Variants in STXBP6 observed in about 807,000 individuals in gnomAD.
The protein encoded by STXBP6 is syntaxin-binding protein 6.
STXBP6 carries 21 observed loss-of-function variants against 26.9 expected under a neutral mutation model. That is an observed-to-expected ratio of 0.78 (90% CI 0.55 to 1.12). The LOEUF is 1.12. Among genes scored for constraint, STXBP6 ranks in the 50% most tolerant of loss-of-function variants. STXBP6 has a pLI of 0.00. For synonymous variants in STXBP6, 97 were observed against 92.6 expected (o/e 1.05, Z -0.27); for missense variants, 232 against 257.9 (o/e 0.90, Z 0.69).
chr14:25,004,141 A>G (rs2074834519), intron 1 of STXBP6, among the ~76,000 whole-genome samples: 1 of 152,260 alleles, frequency 6.6e-6, no homozygotes, highest in Admixed American at 6.5e-5. Flanking sequence ...AAAAAAGAAG[A>G]AGGCAGCTGA....
intron 2 of STXBP6, among the ~76,000 whole-genome samples, chr14:24,899,812 A>T (rs4981562): frequency 6.9e-6 from 1 of 144,650 alleles, no homozygotes; most frequent in Non-Finnish European, 1.5e-5. Flanking sequence ...AAAAAAAAAA[A>T]AAAAGAGTAA....
chr14:24,856,779 T>C (rs554588124), intron 3 of STXBP6, among the ~76,000 whole-genome samples: 1 of 152,190 alleles, frequency 6.6e-6, no homozygotes, highest in Admixed American at 6.5e-5. Flanking sequence ...CGTACTTTGC[T>C]GATCAATGTT....
chr14:24,876,814 A>G (rs1454818145), intron 2 of STXBP6, among the ~76,000 whole-genome samples: 1 of 152,242 alleles, frequency 6.6e-6, no homozygotes, highest in South Asian at 2.1e-4. Context: ...TAAGAACATT[A>G]AAAATTAGAG....
intron 1 of STXBP6, among the ~76,000 whole-genome samples, chr14:25,001,522 C>T (rs2074760459): frequency 6.6e-6 from 1 of 152,180 alleles, no homozygotes. Flanking sequence ...CTTTCAGCTC[C>T]ACCATTCTTC....
chr14:25,009,841 C>A (rs1012942291), intron 1 of STXBP6, among the ~76,000 whole-genome samples: 3 of 152,160 alleles, frequency 2.0e-5, no homozygotes, highest in Non-Finnish European at 4.4e-5. Flanking sequence ...ACAAATCATT[C>A]AAAGCCATTA....
chr14:24,985,674 A>G (rs1566537043), intron 1 of STXBP6, among the ~76,000 whole-genome samples: 1 of 152,164 alleles, frequency 6.6e-6, no homozygotes, highest in Non-Finnish European at 1.5e-5. Flanking sequence ...GAATTTCATC[A>G]TTTTACTTTA....
chr14:24,914,660 T>C (rs1430154936), intron 2 of STXBP6, among the ~76,000 whole-genome samples: 1 of 152,190 alleles, frequency 6.6e-6, no homozygotes, highest in South Asian at 2.1e-4. Context: ...GTTACAGCTG[T>C]CTATTTTTTC....
chr14:24,912,223 G>T (rs1162646228), intron 2 of STXBP6, among the ~76,000 whole-genome samples: 1 of 152,088 alleles, frequency 6.6e-6, no homozygotes, highest in African/African-American at 2.4e-5. Context: ...AATTTAGTGT[G>T]ATTATTTTCT....
chr14:24,931,780 G>T (rs572449974), intron 2 of STXBP6, among the ~76,000 whole-genome samples: 2 of 152,284 alleles, frequency 1.3e-5, no homozygotes, highest in African/African-American at 2.4e-5. Flanking sequence ...AGAAGGAGCG[G>T]CTACTTAGAT....
chr14:24,913,221 A>G (rs1242670620), intron 2 of STXBP6, among the ~76,000 whole-genome samples: 1 of 152,184 alleles, frequency 6.6e-6, no homozygotes, highest in East Asian at 1.9e-4. Context: ...AACAGGAATG[A>G]TTCCTTCTTT....
chr14:25,024,363 T>C (rs1270550172), intron 1 of STXBP6, among the ~76,000 whole-genome samples: 1 of 151,654 alleles, frequency 6.6e-6, no homozygotes, highest in Non-Finnish European at 1.5e-5. Context: ...TAAACAAAAA[T>C]GTCTTAGAAT....
intron 4 of STXBP6, among the ~76,000 whole-genome samples, chr14:24,829,840 T>C (rs2068404409): frequency 1.3e-5 from 2 of 152,066 alleles, no homozygotes; most frequent in African/African-American, 2.4e-5. Flanking sequence ...AGGATGTGTA[T>C]GGTTAAAAAA....
chr14:25,030,145 A>G (rs1167737592), intron 1 of STXBP6, among the ~76,000 whole-genome samples: 3 of 152,230 alleles, frequency 2.0e-5, no homozygotes, highest in Non-Finnish European at 4.4e-5. Flanking sequence ...TCCCTTGCCA[A>G]TTAGATAGCA....
chr14:24,842,122 G>A (rs747458677), intron 4 of STXBP6, among the ~76,000 whole-genome samples: 1 of 152,184 alleles, frequency 6.6e-6, no homozygotes, highest in African/African-American at 2.4e-5. Flanking sequence ...GGCAGAGTCA[G>A]TCCCAGGCTA....
chr14:25,049,141 G>T lies in STXBP6; in HGVS notation c.-33+737C>A. 1.0e-6 allele frequency: 1 copy of T among 983,508 alleles called. No individual in the cohort carries two copies. The highest frequency in any genetic ancestry group is 1.2e-6 in the Non-Finnish European group (1 of 828,160). The allele number at this position is 983,508 out of a possible 1,614,324, so 60.9% of individuals were successfully genotyped here. ...TGTCCTCTGTGAAGATGAACGGGGT[G>T]GGGTGGTGAGGTGGCGGGGTGTTGT... is the stretch of plus-strand genomic sequence containing the variant. On this transcript the variant is annotated intron_variant, in intron 1 of 5. Transcript: ENST00000323944. The surrounding 1 kb of genome is among the most constrained non-coding windows in gnomAD (Gnocchi z 5.6).
rs5807279 is a variant in STXBP6 at position 25,049,965 on chromosome 14, G to GGGGTTCC, written c.-121_-120insGGAACCC. The GGGGTTCC allele has an allele frequency of 2.8e-6, 2 of 725,416 alleles. No homozygotes were observed. Among genetic ancestry groups the GGGGTTCC allele is most frequent in the Non-Finnish European group, 1.7e-6 (1 of 593,740 alleles). The allele number at this position is 725,416 out of a possible 1,614,324, so 44.9% of individuals were successfully genotyped here. A position where few individuals can be genotyped will look rare whatever the true frequency, so the allele number is the denominator to read the frequency against. On this transcript the variant is annotated 5_prime_UTR_variant, in exon 1 of 6. Coordinates refer to ENST00000323944, the MANE Select transcript of STXBP6 (RefSeq NM_001394410.1). This position sits in a 1 kb window ranked among gnomAD's most constrained non-coding sequence, Gnocchi z 5.6. The stretch of plus-strand genomic sequence containing the variant: ...TCCTCCCCGGGGGGCTGCCCCGCGC[G>GGGGTTCC]GGGCTCCGGGCTCCGGACAAGGCTT...
At chr14:24,848,597 C>G (rs2069042322) in intron 4 of STXBP6, among the ~76,000 whole-genome samples, 1 of 152,016 alleles carries the variant, frequency 6.6e-6, no homozygotes, top group East Asian at 1.9e-4. Flanking sequence ...TTTTAATGCA[C>G]AAAGCCACTC....
At chr14:24,892,608 T>A (rs1339279329) in intron 2 of STXBP6, among the ~76,000 whole-genome samples, 2 of 152,074 alleles carry the variant, frequency 1.3e-5, no homozygotes, top group African/African-American at 4.8e-5. Flanking sequence ...CCCCTCTCCA[T>A]GTTGTCTTCC....
At chr14:24,843,689 C>G (rs890737494) in intron 4 of STXBP6, among the ~76,000 whole-genome samples, 2 of 152,182 alleles carry the variant, frequency 1.3e-5, no homozygotes, top group African/African-American at 2.4e-5. Flanking sequence ...AAGTGACAGA[C>G]CAGAAATTCA....
Sources: allele counts gnomAD v4.1 joint callset (sites outside exome capture counted in the v4.1 genomes callset), GRCh38; gene constraint gnomAD v4.1.1; non-coding constraint Gnocchi (gnomAD v3.1); transcripts MANE v1.5; gene names NCBI Gene and HGNC (gene_info 2026-07-23, HGNC 2026-07-21).